GRIK1: variants seen among roughly 807,000 people sequenced by gnomAD.
GRIK1 encodes glutamate ionotropic receptor kainate type subunit 1.
GRIK1 carries 69 observed loss-of-function variants against 105.7 expected under a neutral mutation model. The ratio of observed to expected loss-of-function variants is 0.65; its 90% CI spans 0.54 to 0.80. The LOEUF (loss-of-function observed/expected upper bound fraction) is 0.80, where lower values mean the gene tolerates loss of function less well. GRIK1 is among the 30% of genes least tolerant of loss of function. The pLI, the probability that GRIK1 is intolerant of heterozygous loss-of-function variation, is 0.00. For missense variants in GRIK1, 1,109 were observed against 1,167.3 expected, an observed-to-expected ratio of 0.95 and a Z score of 0.73; for synonymous variants, 438 against 431.3, an observed-to-expected ratio of 1.02 and a Z score of -0.19.
At chr21:29,929,014 G>A (rs1444953191) in intron 1 of GRIK1, among the ~76,000 whole-genome samples, 1 of 152,178 alleles carries the variant, frequency 6.6e-6, no homozygotes, top group African/African-American at 2.4e-5. Context: ...TCCACACACT[G>A]GATGCTGTGG....
In GRIK1 at chr21:29,623,995, C is replaced by T. The variant is rs16984533; in HGVS notation, c.1098+18831G>A. 2.9e-3 allele frequency among the ~76,000 whole-genome samples: 439 copies of T among 152,160 alleles called. 1 individual carries two copies. The highest frequency in any genetic ancestry group is 0.01 in the African/African-American group (429 of 41,508). On this transcript the variant is annotated intron_variant, in intron 7 of 17. Transcript: ENST00000327783. ...AACGTGTTTTTTGTGTATAATGATG[C>T]TATGATTTTATTTCTAAAAATAGTG...
At chr21:29,863,626 A>T (rs754668889) in intron 1 of GRIK1, among the ~76,000 whole-genome samples, 19 of 152,058 alleles carry the variant, frequency 1.2e-4, no homozygotes, top group Non-Finnish European at 2.8e-4. Context: ...GAAACCACGG[A>T]CCTGCTTTTT....
chr21:29,551,434 T>C (rs1420459139), intron 16 of GRIK1, among the ~76,000 whole-genome samples: 1 of 152,182 alleles, frequency 6.6e-6, no homozygotes, highest in African/African-American at 2.4e-5. Context: ...GAATCTAAGT[T>C]TGGCTGTTTT....
At position 29,560,496 on chromosome 21, in the gene GRIK1, T is replaced by TTTCCTTCC. The variant is rs772236978; in HGVS notation, c.2356+1120_2356+1127dup. On this transcript the variant is annotated intron_variant, in intron 15 of 17. Transcript: ENST00000327783. ...TTCTCTCTCTCCCTTTCTTTCTTTC[T>TTTCCTTCC]TTCCTTCCTTCCTTCCTTCCTTCCT... Among the ~76,000 whole-genome samples, 6 of 30,268 alleles carry TTTCCTTCC rather than the reference T, an allele frequency of 2.0e-4. 1 individual carries two copies. Among genetic ancestry groups the TTTCCTTCC allele is most frequent in the South Asian group, 1.4e-3 (1 of 724 alleles). The allele number at this position is 30,268 out of a possible 152,430, so 19.9% of individuals were successfully genotyped here.
chr21:29,770,900 G>T, intron 1 of GRIK1, among the ~76,000 whole-genome samples: 1 of 152,186 alleles, frequency 6.6e-6, no homozygotes, highest in South Asian at 2.1e-4. Context: ...GTATGAAACA[G>T]AAAACAGTGA....
chr21:29,879,265 G>T (rs573045069), intron 1 of GRIK1, among the ~76,000 whole-genome samples: 1 of 152,240 alleles, frequency 6.6e-6, no homozygotes, highest in Admixed American at 6.5e-5. Flanking sequence ...GTGGTCTGGA[G>T]TTCTTAGGGA....
At chr21:29,887,885 G>A (rs549404977) in intron 1 of GRIK1, among the ~76,000 whole-genome samples, 4 of 152,084 alleles carry the variant, frequency 2.6e-5, no homozygotes, top group Non-Finnish European at 5.9e-5. Context: ...GGGAAAATGA[G>A]TATCCCTCCA....
intron 7 of GRIK1, among the ~76,000 whole-genome samples, chr21:29,624,509 G>C (rs1167558049): frequency 6.6e-6 from 1 of 152,100 alleles, no homozygotes; most frequent in Non-Finnish European, 1.5e-5. Context: ...ATAAAAAAAA[G>C]AAATGAGTAG....
rs1352952345 is a variant in GRIK1 at position 29,644,846 on chromosome 21, T to G, written c.955-1877A>C. On this transcript the variant is annotated intron_variant, in intron 6 of 17. Coordinates refer to ENST00000327783, the MANE Select transcript of GRIK1 (RefSeq NM_001330994.2). ...ATAGCTGACATTTATTGAGCACTTA[T>G]GATATGTCGCATGCTGTTCTAAATC... 2.0e-5 allele frequency among the ~76,000 whole-genome samples: 3 copies of G among 152,242 alleles called. No homozygotes were observed. The East Asian group carries it at 5.8e-4, about 29-fold the overall frequency.
At chr21:29,909,086 A>T (rs1053776679) in intron 1 of GRIK1, among the ~76,000 whole-genome samples, 1 of 152,124 alleles carries the variant, frequency 6.6e-6, no homozygotes, top group Non-Finnish European at 1.5e-5. Flanking sequence ...TACACATTGT[A>T]TGCCCATTTT....
At position 29,632,645 on chromosome 21, in the gene GRIK1, A is replaced by G. The variant is rs111976090; in HGVS notation, c.1098+10181T>C. Among the ~76,000 whole-genome samples the G allele has an allele frequency of 4.7e-3, 703 of 148,006 alleles. 5 individuals are homozygous for G. The highest frequency in any genetic ancestry group is 0.017 in the African/African-American group (667 of 39,794). ...TAAACATGTGTGCACCTGTGTACACATACATACACACATATATCACAGACT... is the reference window on the plus strand; with the variant it reads ...TAAACATGTGTGCACCTGTGTACACGTACATACACACATATATCACAGACT... On this transcript the variant is annotated intron_variant, in intron 7 of 17. Coordinates refer to ENST00000327783, the MANE Select transcript of GRIK1 (RefSeq NM_001330994.2).
At chr21:29,560,433 C>CTT (rs1228898473) in intron 15 of GRIK1, among the ~76,000 whole-genome samples, 13 of 121,104 alleles carry the variant, frequency 1.1e-4, no homozygotes, top group African/African-American at 5.1e-4. Flanking sequence ...TTCTTTCTTT[C>CTT]TTTCTTTTTC....
In GRIK1 at chr21:29,934,122, CAACA is replaced by C. The variant is rs1374135804; in HGVS notation, c.118+5257_118+5260del. Among the ~76,000 whole-genome samples, 5 of 152,326 alleles carry C rather than the reference CAACA, an allele frequency of 3.3e-5. No homozygotes were observed. The South Asian group carries it at 8.3e-4, about 25-fold the overall frequency. Reference sequence around the variant, plus strand: ...CATCCCAGTTAATTGTACACTCTAACAACAAACAGTGTGTTTGCTAGGCATAGGT... The same window carrying C: ...CATCCCAGTTAATTGTACACTCTAACAACAGTGTGTTTGCTAGGCATAGGT... On this transcript the variant is annotated intron_variant, in intron 1 of 17. Coordinates refer to ENST00000327783, the MANE Select transcript of GRIK1 (RefSeq NM_001330994.2).
intron 16 of GRIK1, among the ~76,000 whole-genome samples, chr21:29,549,992 C>T (rs1403564664): frequency 1.3e-5 from 2 of 151,276 alleles, no homozygotes; most frequent in African/African-American, 2.4e-5. Flanking sequence ...CCTGCAATCC[C>T]AGCTACTCAG....
chr21:29,781,863 G>T (rs2066119492), intron 1 of GRIK1, among the ~76,000 whole-genome samples: 1 of 148,632 alleles, frequency 6.7e-6, no homozygotes, highest in Admixed American at 6.7e-5. Context: ...GTAGAGACGG[G>T]GTTTCACCTT....
intron 1 of GRIK1, among the ~76,000 whole-genome samples, chr21:29,848,779 A>ATATATATATATTTTTTTTTTT: frequency 2.6e-5 from 2 of 77,884 alleles, no homozygotes; most frequent in African/African-American, 1.2e-4. Flanking sequence ...ATATATATAT[A>ATATATATATATTTTTTTTTTT]TTTTTTTTTT....
intron 1 of GRIK1, among the ~76,000 whole-genome samples, chr21:29,751,748 T>C (rs542715061): frequency 2.4e-4 from 37 of 152,346 alleles, no homozygotes; most frequent in African/African-American, 8.7e-4. Context: ...TGGTGGGTAC[T>C]GGTACATCTG....
At chr21:29,772,721 TACTAA>T (rs2065843237) in intron 1 of GRIK1, among the ~76,000 whole-genome samples, 1 of 152,174 alleles carries the variant, frequency 6.6e-6, no homozygotes, top group Non-Finnish European at 1.5e-5. Context: ...AAGGTTCAAA[TACTAA>T]AATTGTGCAA....
chr21:29,921,958 T>G (rs973551756), intron 1 of GRIK1, among the ~76,000 whole-genome samples: 2 of 152,200 alleles, frequency 1.3e-5, no homozygotes, highest in Non-Finnish European at 2.9e-5. Context: ...TTGCTTTTGA[T>G]AGCATCCTAA....
Sources: allele counts gnomAD v4.1 joint callset (sites outside exome capture counted in the v4.1 genomes callset), GRCh38; gene constraint gnomAD v4.1.1; transcripts MANE v1.5; gene names NCBI Gene and HGNC (gene_info 2026-07-23, HGNC 2026-07-21).